HMCN1: variants seen among roughly 807,000 people sequenced by gnomAD.
HMCN1 encodes hemicentin-1.
In HMCN1, 321 loss-of-function variants were observed where a neutral mutation model predicts 625.9. The ratio of observed to expected loss-of-function variants is 0.51; its 90% CI spans 0.47 to 0.56. The LOEUF is 0.56. Ranked by LOEUF, HMCN1 falls within the 20% of genes least tolerant of loss-of-function variation. HMCN1 has a pLI of 0.00. For synonymous variants in HMCN1, 2,425 were observed against 2,417.6 expected, an observed-to-expected ratio of 1.00 and a Z score of -0.09; for missense variants, 6,588 against 6,887.3, an observed-to-expected ratio of 0.96 and a Z score of 1.54.
At chr1:186,059,316 T>A (rs1182430473) in intron 46 of HMCN1, among the ~76,000 whole-genome samples, 2 of 152,054 alleles carry the variant, frequency 1.3e-5, no homozygotes, top group Admixed American at 1.3e-4. Context: ...ATTATATTCA[T>A]CTTTCTGGCT....
intron 102 of HMCN1, among the ~76,000 whole-genome samples, chr1:186,173,640 CAAAA>C (rs762258823): frequency 4.7e-4 from 35 of 74,698 alleles, no homozygotes; most frequent in Non-Finnish European, 1.8e-4. Flanking sequence ...GACTCCATCT[CAAAA>C]AAAAAAAAAA....
chr1:186,003,331 T>G (rs1286462836), intron 28 of HMCN1, among the ~76,000 whole-genome samples: 1 of 152,184 alleles, frequency 6.6e-6, no homozygotes, highest in African/African-American at 2.4e-5. Flanking sequence ...CCACACTATA[T>G]GTAGAATTTG....
chr1:185,874,666 A>G (rs1444650555), intron 4 of HMCN1, among the ~76,000 whole-genome samples: 2 of 152,002 alleles, frequency 1.3e-5, no homozygotes, highest in Non-Finnish European at 2.9e-5. Flanking sequence ...TTAAAGTCAT[A>G]TACCACATAA....
intron 103 of HMCN1, among the ~76,000 whole-genome samples, chr1:186,176,522 C>T (rs1652590861): frequency 1.3e-5 from 2 of 152,174 alleles, no homozygotes; most frequent in South Asian, 4.1e-4. Flanking sequence ...CTACTGTTCA[C>T]AGCTTGATTT....
chr1:185,914,514 A>G (rs891807765), intron 6 of HMCN1, among the ~76,000 whole-genome samples: 1 of 152,012 alleles, frequency 6.6e-6, no homozygotes, highest in Non-Finnish European at 1.5e-5. Flanking sequence ...CCTCAAGCCA[A>G]TCTTTCTAGT....
chr1:185,734,674 A>G lies in HMCN1; in HGVS notation c.-106A>G. The stretch of plus-strand genomic sequence containing the variant: ...ACTTTTTGCTAGTTCAGAGATTCCA[A>G]GAGTCTGATGAGTTACTCTGAGAGG... On this transcript the variant is annotated 5_prime_UTR_variant, in exon 1 of 107. Coordinates refer to ENST00000271588, the MANE Select transcript of HMCN1 (RefSeq NM_031935.3). 12 of 1,133,066 alleles carry G rather than the reference A, an allele frequency of 1.1e-5. No homozygotes were observed. Among genetic ancestry groups the G allele is most frequent in the Non-Finnish European group, 1.6e-5 (12 of 755,956 alleles). 70.2% of individuals were successfully genotyped at this position (1,133,066 alleles called of 1,614,324 possible).
intron 40 of HMCN1, among the ~76,000 whole-genome samples, chr1:186,042,911 G>C (rs968116338): frequency 6.6e-6 from 1 of 152,196 alleles, no homozygotes; most frequent in Non-Finnish European, 1.5e-5. Context: ...GGGTGGAATA[G>C]GGGAAGTAGA....
chr1:185,734,988 C>A lies in HMCN1; in HGVS notation c.209C>A (p.Ser70Tyr). The change falls in exon 1 of 107, where the codon TCT becomes TAT. Residue 70 changes from serine to tyrosine, a missense_variant. Ser to Tyr is a moderately radical substitution (Grantham distance 144). This residue lies in a region of HMCN1 where 4,628 missense variants were observed against 4,853.1 expected (regional missense o/e 0.95). Transcript: ENST00000271588. ...GGGGCTTCCAAAATTTTGGAGACGT[C>A]TTTGAAAAGACCTAAAAGACCTCTT... ...IEGASKILET[S>Y]LKRPKRPLFN... 1.2e-6 allele frequency: 2 copies of A among 1,614,104 alleles called. No homozygotes were observed. Among genetic ancestry groups the A allele is most frequent in the Non-Finnish European group, 1.7e-6 (2 of 1,180,010 alleles).
intron 24 of HMCN1, among the ~76,000 whole-genome samples, chr1:185,995,348 G>T (rs527277041): frequency 6.6e-6 from 1 of 152,146 alleles, no homozygotes; most frequent in Non-Finnish European, 1.5e-5. Flanking sequence ...CCTAGATGAT[G>T]CCCCACCCAC....
intron 14 of HMCN1, among the ~76,000 whole-genome samples, chr1:185,966,523 A>C (rs1442477112): frequency 6.6e-6 from 1 of 152,132 alleles, no homozygotes; most frequent in Non-Finnish European, 1.5e-5. Flanking sequence ...ATACACTTGG[A>C]TTCTGGTTCC....
chr1:185,750,429 G>T (rs1380387873), intron 1 of HMCN1, among the ~76,000 whole-genome samples: 2 of 152,088 alleles, frequency 1.3e-5, no homozygotes, highest in Non-Finnish European at 2.9e-5. Context: ...TGTTCCCATT[G>T]TAATTATGGT....
At chr1:185,814,723 A>T (rs1659738756) in intron 1 of HMCN1, among the ~76,000 whole-genome samples, 1 of 146,964 alleles carries the variant, frequency 6.8e-6, no homozygotes, top group African/African-American at 2.7e-5. Flanking sequence ...ATGCAGTATC[A>T]CTCTGTAGCC....
intron 1 of HMCN1, among the ~76,000 whole-genome samples, chr1:185,801,988 C>T (rs1658825548): frequency 6.6e-6 from 1 of 152,110 alleles, no homozygotes; most frequent in African/African-American, 2.4e-5. Context: ...GAGAGGAATT[C>T]ATAGTGAATG....
intron 35 of HMCN1, among the ~76,000 whole-genome samples, chr1:186,020,357 G>A (rs1327165990): frequency 6.6e-6 from 1 of 152,048 alleles, no homozygotes; most frequent in Non-Finnish European, 1.5e-5. Context: ...ATTGACTAAT[G>A]TGGGCTTGAA....
At chr1:186,187,365 A>G (rs1299003899) in intron 105 of HMCN1, among the ~76,000 whole-genome samples, 1 of 152,118 alleles carries the variant, frequency 6.6e-6, no homozygotes, top group Admixed American at 6.6e-5. Flanking sequence ...ACTAGCCTGT[A>G]CCATCTCTCC....
At chr1:185,894,707 T>C (rs1665382795) in intron 4 of HMCN1, among the ~76,000 whole-genome samples, 2 of 152,218 alleles carry the variant, frequency 1.3e-5, no homozygotes, top group African/African-American at 4.8e-5. Context: ...ATCGTATGAT[T>C]ATTTTATTTA....
Position 186,190,007 on chromosome 1 carries a change from G to A in HMCN1, c.*129G>A. 9.6e-7 allele frequency: 1 copy of A among 1,042,810 alleles called. No homozygotes were observed. The highest frequency in any genetic ancestry group is 1.5e-6 in the Non-Finnish European group (1 of 676,692). The allele number at this position is 1,042,810 out of a possible 1,614,324, so 64.6% of individuals were successfully genotyped here. On this transcript the variant is annotated 3_prime_UTR_variant, in exon 107 of 107. Transcript: ENST00000271588. ...TGAAAATGGTGCTACACTCTGTTTTGTGTGCCTTCCTTGGTACTTCTGAGG... is the reference window on the plus strand; with the variant it reads ...TGAAAATGGTGCTACACTCTGTTTTATGTGCCTTCCTTGGTACTTCTGAGG...
intron 20 of HMCN1, among the ~76,000 whole-genome samples, chr1:185,989,263 G>A (rs1038834682): frequency 5.3e-5 from 8 of 151,834 alleles, no homozygotes; most frequent in African/African-American, 1.2e-4. Flanking sequence ...CCAAAGTGTT[G>A]GGATTACAGG....
At chr1:186,141,726 T>C (rs555733199) in intron 89 of HMCN1, among the ~76,000 whole-genome samples, 1 of 152,330 alleles carries the variant, frequency 6.6e-6, no homozygotes, top group African/African-American at 2.4e-5. Flanking sequence ...TTCTATGAAC[T>C]CATTACTGCT....
Sources: gnomAD v4.1 joint callset for allele counts (sites outside exome capture counted in the v4.1 genomes callset) on GRCh38, gnomAD v4.1.1 for gene constraint, gnomAD v4.1.1 regional missense constraint, MANE v1.5 for transcripts, NCBI Gene and HGNC (gene_info 2026-07-23, HGNC 2026-07-21) for gene names.